MID2: variants seen among roughly 807,000 people sequenced by gnomAD.
MID2 encodes probable E3 ubiquitin-protein ligase MID2.
A neutral mutation model predicts 46.1 loss-of-function variants in MID2; 13 were observed. The ratio of observed to expected loss-of-function variants is 0.28; its 90% CI spans 0.18 to 0.45. The LOEUF is 0.45. MID2 is among the 20% of genes least tolerant of loss of function. The pLI, the probability that MID2 is intolerant of heterozygous loss-of-function variation, is 1.00. For missense variants in MID2, 431 were observed against 575.4 expected (o/e 0.75, Z 2.57); for synonymous variants, 199 against 212.3 (o/e 0.94, Z 0.55).
intron 3 of MID2, among the ~76,000 whole-genome samples, chrX:107,873,079 C>A (rs778381934): frequency 1.5e-4 from 17 of 111,286 alleles, no homozygotes; most frequent in Non-Finnish European, 2.8e-4. Flanking sequence ...CCTTTGAGAC[C>A]CCCTGGGTGA....
chrX:107,864,815 A>G (rs1931923199), intron 3 of MID2, among the ~76,000 whole-genome samples: 1 of 111,980 alleles, frequency 8.9e-6, no homozygotes, highest in Admixed American at 9.5e-5. Flanking sequence ...ACATACAGCC[A>G]GGAAATCAGC....
chrX:107,881,819 T>C (rs946295602), intron 3 of MID2, among the ~76,000 whole-genome samples: 4 of 112,605 alleles, frequency 3.6e-5, no homozygotes, highest in Non-Finnish European at 7.5e-5. Context: ...AATTTAAGTA[T>C]AGAACAAGCA....
intron 4 of MID2, among the ~76,000 whole-genome samples, chrX:107,904,787 C>A (rs901773573): frequency 1.5e-4 from 17 of 111,903 alleles, no homozygotes; most frequent in African/African-American, 5.2e-4. Flanking sequence ...AAGTGTGAGC[C>A]TCCATACAGC....
intron 3 of MID2, among the ~76,000 whole-genome samples, chrX:107,863,952 A>T (rs1931907676): frequency 8.9e-6 from 1 of 112,307 alleles, no homozygotes; most frequent in Non-Finnish European, 1.9e-5. Flanking sequence ...GTTTATGACA[A>T]TCCTGTGATA....
intron 1 of MID2, among the ~76,000 whole-genome samples, chrX:107,830,502 T>C (rs937542250): frequency 8.9e-6 from 1 of 112,307 alleles, no homozygotes; most frequent in Non-Finnish European, 1.9e-5. Context: ...GTGTCTTGAC[T>C]TAGAACATTG....
At chrX:107,844,396 C>T (rs1348427223) in intron 2 of MID2, among the ~76,000 whole-genome samples, 5 of 111,417 alleles carry the variant, frequency 4.5e-5, no homozygotes, top group Non-Finnish European at 9.4e-5. Flanking sequence ...GTTATTAGAG[C>T]AGTAAGTCCT....
chrX:107,853,583 A>AACCACCGT (rs1471171034), intron 2 of MID2, among the ~76,000 whole-genome samples: 1 of 111,408 alleles, frequency 9.0e-6, no homozygotes, highest in Non-Finnish European at 1.9e-5. Flanking sequence ...TACAGGCGTG[A>AACCACCGT]ACCACCGTGC....
intron 1 of MID2, among the ~76,000 whole-genome samples, chrX:107,828,297 C>CT (rs1931001620): frequency 1.0e-5 from 1 of 97,222 alleles, no homozygotes; most frequent in Non-Finnish European, 2.0e-5. Flanking sequence ...CTTTTCTTTT[C>CT]TTTCTTTCTT....
chrX:107,907,903 A>G (rs1490618594), intron 5 of MID2, among the ~76,000 whole-genome samples: 1 of 112,253 alleles, frequency 8.9e-6, no homozygotes, highest in East Asian at 2.8e-4. Flanking sequence ...CTTACTTTGT[A>G]CTGGGCATTA....
chrX:107,909,516 T>C (rs1354599765), intron 5 of MID2, among the ~76,000 whole-genome samples: 1 of 112,004 alleles, frequency 8.9e-6, no homozygotes, highest in Non-Finnish European at 1.9e-5. Context: ...CTATGTCCTG[T>C]GAACTCCAGC....
chrX:107,847,956 C>G (rs1300262865), intron 2 of MID2, among the ~76,000 whole-genome samples: 3 of 111,088 alleles, frequency 2.7e-5, no homozygotes, highest in African/African-American at 6.6e-5. Context: ...GGGGAGTGCT[C>G]TAGTCAGGAG....
intron 3 of MID2, among the ~76,000 whole-genome samples, chrX:107,876,297 C>A (rs1006822886): frequency 9.0e-6 from 1 of 111,423 alleles, no homozygotes; most frequent in South Asian, 3.9e-4. Flanking sequence ...TATCTGGTCC[C>A]AGGGTCTGTT....
intron 7 of MID2, among the ~76,000 whole-genome samples, chrX:107,920,708 A>G (rs73533469): frequency 0.017 from 1,907 of 112,126 alleles, 43 homozygotes; most frequent in African/African-American, 0.059. Context: ...AGAGGATCAT[A>G]TATTTACCTT....
chrX:107,925,846 C>T (rs1933163431), intron 8 of MID2, among the ~76,000 whole-genome samples: 1 of 110,232 alleles, frequency 9.1e-6, no homozygotes, highest in African/African-American at 3.3e-5. Context: ...CATTTTTTCC[C>T]ACAGTGGGAA....
chrX:107,867,265 C>T lies in MID2; in HGVS notation c.816+12561C>T, dbSNP rs371868626. 3.6e-4 allele frequency among the ~76,000 whole-genome samples: 40 copies of T among 111,243 alleles called. 2 individuals are homozygous for T. Among genetic ancestry groups the T allele is most frequent in the Admixed American group, 2.5e-3 (27 of 10,598 alleles). ...TCCCAGGTTCAAGAGATTCTCCTGC[C>T]TCAGCCTCCCAAGTAGCTGGGATTA... is the stretch of plus-strand genomic sequence containing the variant. On this transcript the variant is annotated intron_variant, in intron 3 of 9. Coordinates refer to ENST00000262843, the MANE Select transcript of MID2 (RefSeq NM_012216.4).
In MID2 at chrX:107,926,095, C is replaced by T; in HGVS notation, c.1599C>T (p.Ser533=). 1.7e-6 allele frequency: 2 copies of T among 1,189,396 alleles called. No individual in the cohort carries two copies. The highest frequency in any genetic ancestry group is 2.3e-4 in the Middle Eastern group (1 of 4,278). The change falls in exon 9 of 10, where the codon AGC becomes AGT. Residue 533 remains serine, a splice_region_variant and synonymous_variant. Transcript: ENST00000262843. The part of the protein sequence containing the change: ...NSEPTRLKTN[S]QPFKLDPKMT... ...TTTTTTTTTCTACTTATTTTTCAGGCCAACCCTTTAAATTGGATCCCAAAA... is the reference window on the plus strand; with the variant it reads ...TTTTTTTTTCTACTTATTTTTCAGGTCAACCCTTTAAATTGGATCCCAAAA...
chrX:107,840,781 A>AC lies in MID2; in HGVS notation c.121dup (p.Leu41ProfsTer26), dbSNP rs780552401. ...CCAATCTGCCTAGAGTTGTTTGAAG[A>AC]CCCCCTTCTGCTCCCTTGTGCTCAC... On this transcript the variant is annotated frameshift_variant, in exon 2 of 10. Coordinates refer to ENST00000262843, the MANE Select transcript of MID2 (RefSeq NM_012216.4). LOFTEE classifies it high-confidence loss of function. 1 of 1,210,103 alleles carries AC rather than the reference A, an allele frequency of 8.3e-7. No individual in the cohort carries two copies. The highest frequency in any genetic ancestry group is 1.1e-6 in the Non-Finnish European group (1 of 894,905).
intron 1 of MID2, among the ~76,000 whole-genome samples, chrX:107,839,499 G>C (rs770923153): frequency 7.3e-5 from 8 of 109,800 alleles, no homozygotes; most frequent in Non-Finnish European, 1.5e-4. Flanking sequence ...AGCCTCCCGA[G>C]TAGCTGGGAC....
intron 3 of MID2, among the ~76,000 whole-genome samples, chrX:107,902,534 A>C (rs1310280355): frequency 1.8e-5 from 2 of 111,463 alleles, no homozygotes; most frequent in East Asian, 5.6e-4. Flanking sequence ...GAGTAAACAG[A>C]AGCCCCAGTT....
Sources: gnomAD v4.1 joint callset for allele counts (sites outside exome capture counted in the v4.1 genomes callset) on GRCh38, gnomAD v4.1.1 for gene constraint, MANE v1.5 for transcripts, NCBI Gene and HGNC (gene_info 2026-07-23, HGNC 2026-07-21) for gene names.